PPM1H: variants seen among roughly 807,000 people sequenced by gnomAD.
PPM1H encodes the protein protein phosphatase 1H.
PPM1H carries 27 observed loss-of-function variants against 54.9 expected under a neutral mutation model. The observed-to-expected ratio is 0.49, with a 90% confidence interval of 0.36 to 0.68. PPM1H has a LOEUF of 0.68. Ranked by LOEUF, PPM1H falls within the 30% of genes least tolerant of loss-of-function variation. PPM1H has a pLI of 0.00. For synonymous variants in PPM1H, 305 were observed against 270.8 expected (o/e 1.13, Z -1.24); for missense variants, 596 against 667.8 (o/e 0.89, Z 1.19).
chr12:62,872,019 A>C (rs1017899025), intron 1 of PPM1H, among the ~76,000 whole-genome samples: 8 of 152,228 alleles, frequency 5.3e-5, no homozygotes, highest in Non-Finnish European at 1.0e-4. Flanking sequence ...TGGATCTATG[A>C]AAATAAATAC....
intron 1 of PPM1H, among the ~76,000 whole-genome samples, chr12:62,871,657 G>A (rs1024023570): frequency 1.3e-5 from 2 of 151,940 alleles, no homozygotes; most frequent in African/African-American, 2.4e-5. Context: ...TGGGACTACA[G>A]GCATGTGTCA....
At chr12:62,742,837 C>T (rs2076389543) in intron 4 of PPM1H, among the ~76,000 whole-genome samples, 1 of 152,084 alleles carries the variant, frequency 6.6e-6, no homozygotes. Context: ...ACCTCCCACC[C>T]AATAACCATT....
intron 1 of PPM1H, among the ~76,000 whole-genome samples, chr12:62,857,228 A>G (rs1273182248): frequency 6.6e-6 from 1 of 152,050 alleles, no homozygotes; most frequent in East Asian, 1.9e-4. Flanking sequence ...ATTTTAACAA[A>G]CAAACAAATA....
At chr12:62,873,894 C>T (rs1444112719) in intron 1 of PPM1H, among the ~76,000 whole-genome samples, 1 of 152,066 alleles carries the variant, frequency 6.6e-6, no homozygotes, top group Admixed American at 6.5e-5. Context: ...TAGATGAGAA[C>T]GTTAGATAGA....
chr12:62,676,101 G>A (rs954498439), intron 8 of PPM1H, among the ~76,000 whole-genome samples: 2 of 152,166 alleles, frequency 1.3e-5, no homozygotes, highest in African/African-American at 4.8e-5. Context: ...CCATGAGTGG[G>A]CCAGAAAAGC....
In PPM1H at chr12:62,827,529, C is replaced by T. The variant is rs866748936; in HGVS notation, c.411+4585G>A. Among the ~76,000 whole-genome samples the T allele has an allele frequency of 5.3e-5, 8 of 152,264 alleles. No individual in the cohort carries two copies. The Middle Eastern group carries it at 0.014, about 259-fold the overall frequency. On this transcript the variant is annotated intron_variant, in intron 2 of 9. Transcript: ENST00000228705. ...AGTCATCTTGCCCTTGTCTAAAATA[C>T]TTTGGTAAAAATCCCAGCTTATTAT...
chr12:62,835,379 C>A (rs750113781), intron 1 of PPM1H, among the ~76,000 whole-genome samples: 1 of 152,192 alleles, frequency 6.6e-6, no homozygotes, highest in Non-Finnish European at 1.5e-5. Context: ...CAGCTAAATG[C>A]GAACACACTT....
intron 1 of PPM1H, among the ~76,000 whole-genome samples, chr12:62,847,663 C>A (rs560274341): frequency 4.3e-4 from 65 of 152,252 alleles, no homozygotes; most frequent in Non-Finnish European, 7.5e-4. Context: ...GTGAGGTAAA[C>A]ATCTGACAGC....
intron 8 of PPM1H, among the ~76,000 whole-genome samples, chr12:62,678,940 G>C (rs1317897555): frequency 1.3e-5 from 2 of 151,978 alleles, no homozygotes; most frequent in African/African-American, 2.4e-5. Context: ...GCCTGCCTCA[G>C]CCTCCCAAAG....
intron 8 of PPM1H, among the ~76,000 whole-genome samples, chr12:62,675,719 A>G (rs1006421442): frequency 1.3e-5 from 2 of 152,212 alleles, no homozygotes; most frequent in Non-Finnish European, 2.9e-5. Context: ...GTCACCTGAC[A>G]AATAATAAAA....
intron 4 of PPM1H, among the ~76,000 whole-genome samples, chr12:62,747,474 G>T (rs956956317): frequency 6.6e-6 from 1 of 152,194 alleles, no homozygotes; most frequent in South Asian, 2.1e-4. Context: ...CCGGGTTTAA[G>T]TGATCCTCAC....
intron 4 of PPM1H, among the ~76,000 whole-genome samples, chr12:62,745,186 TTTTCTTTTTAAAA>T (rs2076403436): frequency 6.6e-6 from 1 of 152,058 alleles, no homozygotes; most frequent in Non-Finnish European, 1.5e-5. Flanking sequence ...GAAAGTTAAT[TTTTCTTTTTAAAA>T]AATTTTATTA....
At chr12:62,930,693 G>T (rs150158357) in intron 1 of PPM1H, among the ~76,000 whole-genome samples, 34 of 151,314 alleles carry the variant, frequency 2.2e-4, no homozygotes, top group African/African-American at 8.2e-4. Flanking sequence ...AGTAGCTGCC[G>T]CCTGGTCTCT....
intron 3 of PPM1H, among the ~76,000 whole-genome samples, chr12:62,793,583 G>A (rs548793349): frequency 6.6e-6 from 1 of 152,012 alleles, no homozygotes; most frequent in South Asian, 2.1e-4. Context: ...AATTAGCCGG[G>A]TGTGATGGCG....
intron 2 of PPM1H, among the ~76,000 whole-genome samples, chr12:62,815,566 C>T (rs1703871): frequency 1.3e-4 from 20 of 152,136 alleles, no homozygotes; most frequent in African/African-American, 4.6e-4. Flanking sequence ...AACATAAGTA[C>T]TGTGAAATAA....
intron 1 of PPM1H, among the ~76,000 whole-genome samples, chr12:62,908,590 T>C (rs1048009546): frequency 3.9e-5 from 6 of 152,144 alleles, no homozygotes; most frequent in South Asian, 2.1e-4. Context: ...TGAGTAGAAG[T>C]CCACGGCACA....
chr12:62,648,547 G>A lies in PPM1H; in HGVS notation c.1487C>T (p.Ser496Leu). 6.2e-7 allele frequency: 1 copy of A among 1,613,934 alleles called. No homozygotes were observed. The highest frequency in any genetic ancestry group is 8.5e-7 in the Non-Finnish European group (1 of 1,179,890). The change falls in exon 10 of 10, where the codon TCA (serine) becomes TTA (leucine). Residue 496 changes from serine to leucine, a missense_variant. Physicochemically the swap from Ser to Leu is moderately radical, Grantham distance 145. Transcript: ENST00000228705. Reference sequence around the variant, plus strand: ...GACATATACAGAAATGTCGTCTCCTGAGCCCAGTCGGTCATTAGATATCCG... The same window carrying A: ...GACATATACAGAAATGTCGTCTCCTAAGCCCAGTCGGTCATTAGATATCCG... ...GWRISNDRLG[S>L]GDDISVYVIP... is the part of the protein sequence containing the mutation.
intron 1 of PPM1H, among the ~76,000 whole-genome samples, chr12:62,915,602 A>G (rs929753061): frequency 6.6e-6 from 1 of 152,192 alleles, no homozygotes; most frequent in Non-Finnish European, 1.5e-5. Flanking sequence ...TCAATCCTGG[A>G]TACATTGCAT....
At chr12:62,915,685 T>C (rs1565828098) in intron 1 of PPM1H, among the ~76,000 whole-genome samples, 1 of 152,060 alleles carries the variant, frequency 6.6e-6, no homozygotes, top group East Asian at 1.9e-4. Flanking sequence ...TTGAAGGGAA[T>C]CACCAATCCT....
Sources: gnomAD v4.1 joint callset for allele counts (sites outside exome capture counted in the v4.1 genomes callset) on GRCh38, gnomAD v4.1.1 for gene constraint, MANE v1.5 for transcripts, NCBI Gene and HGNC (gene_info 2026-07-23, HGNC 2026-07-21) for gene names.